ANK3: variants seen among roughly 807,000 people sequenced by gnomAD.
The protein encoded by ANK3 is ankyrin 3.
Under a neutral mutation model 370.9 loss-of-function variants are expected in ANK3, and 57 were observed. The observed-to-expected ratio is 0.15, with a 90% CI of 0.12 to 0.19. The LOEUF is 0.19. ANK3 is among the 10% of genes least tolerant of loss of function. The pLI is 1.00. For synonymous variants in ANK3, 1,929 were observed against 1,946.3 expected (o/e 0.99, Z 0.23); for missense variants, 4,439 against 5,302.1 (o/e 0.84, Z 5.06).
chr10:60,227,318 T>C (rs184108824), intron 8 of ANK3, among the ~76,000 whole-genome samples: 52 of 152,148 alleles, frequency 3.4e-4, no homozygotes, highest in Non-Finnish European at 7.1e-4. Flanking sequence ...ATAATTGTCT[T>C]TCCCATTCAT....
chr10:60,705,035 G>C (rs894484391), intron 1 of ANK3, among the ~76,000 whole-genome samples: 3 of 152,036 alleles, frequency 2.0e-5, no homozygotes, highest in Non-Finnish European at 4.4e-5. Flanking sequence ...TCCTAGAAAA[G>C]CTAAAAATAA....
intron 1 of ANK3, among the ~76,000 whole-genome samples, chr10:60,301,082 C>A (rs1223769746): frequency 6.8e-6 from 1 of 147,044 alleles, no homozygotes; most frequent in Non-Finnish European, 1.5e-5. Context: ...TGTGTATAAC[C>A]GGGTGGGAGA....
intron 28 of ANK3, among the ~76,000 whole-genome samples, chr10:60,091,447 G>C (rs892828402): frequency 3.9e-4 from 1 of 2,590 alleles, no homozygotes; most frequent in African/African-American, 5.0e-4. Flanking sequence ...TATTCTAATA[G>C]GGGATAAAGG....
At chr10:60,721,234 T>A (rs994200148) in intron 1 of ANK3, among the ~76,000 whole-genome samples, 1 of 152,160 alleles carries the variant, frequency 6.6e-6, no homozygotes, top group Non-Finnish European at 1.5e-5. Context: ...ACCATGAAAG[T>A]TGCCCAGAAG....
In ANK3 at chr10:60,026,562, T is replaced by G. The variant is rs935605266; in HGVS notation, c.*3284A>C. 6.6e-6 allele frequency: 1 copy of G among 152,228 alleles called. No homozygotes were observed. Among genetic ancestry groups the G allele is most frequent in the African/African-American group, 2.4e-5 (1 of 41,460 alleles). The allele number at this position is 152,228 out of a possible 1,614,324, so 9.4% of individuals were successfully genotyped here. A position where few individuals can be genotyped will look rare whatever the true frequency, so the allele number is the denominator to read the frequency against. On this transcript the variant is annotated 3_prime_UTR_variant, in exon 44 of 44. Transcript: ENST00000280772. ...CCCTGTCATACAGCCAAACGTGAGC[T>G]GATGCTGACAATAGTTTATTGGCCA... is the stretch of plus-strand genomic sequence containing the variant.
intron 2 of ANK3, among the ~76,000 whole-genome samples, chr10:60,415,476 G>A (rs773736678): frequency 5.9e-5 from 9 of 152,212 alleles, no homozygotes; most frequent in Middle Eastern, 3.4e-3. Flanking sequence ...GCTGCAACCC[G>A]AGTGTCCAGA....
At chr10:60,057,810 G>A (rs1408071845) in intron 41 of ANK3, among the ~76,000 whole-genome samples, 1 of 152,120 alleles carries the variant, frequency 6.6e-6, no homozygotes, top group Non-Finnish European at 1.5e-5. Flanking sequence ...TATAAATTGT[G>A]TGACTATATC....
At chr10:60,673,540 T>TG (rs1009543186) in intron 1 of ANK3, among the ~76,000 whole-genome samples, 11 of 152,076 alleles carry the variant, frequency 7.2e-5, no homozygotes, top group Admixed American at 3.3e-4. Flanking sequence ...TTAGTAGAGA[T>TG]GGGGTTCCAC....
At chr10:60,199,361 A>T (rs746575060) in intron 13 of ANK3, among the ~76,000 whole-genome samples, 38 of 152,150 alleles carry the variant, frequency 2.5e-4, no homozygotes, top group Non-Finnish European at 4.3e-4. Context: ...GTCAATGTCA[A>T]AGTAAGAGGG....
intron 27 of ANK3, among the ~76,000 whole-genome samples, chr10:60,106,332 G>A (rs999906557): frequency 3.3e-5 from 5 of 151,970 alleles, no homozygotes; most frequent in African/African-American, 1.2e-4. Context: ...CATATAAATA[G>A]GAATTTTGAA....
At chr10:60,257,707 G>A (rs1034757698) in intron 7 of ANK3, among the ~76,000 whole-genome samples, 6 of 151,958 alleles carry the variant, frequency 3.9e-5, no homozygotes, top group Non-Finnish European at 8.8e-5. Flanking sequence ...CATTCCTGCT[G>A]CTTGGTAACA....
intron 5 of ANK3, among the ~76,000 whole-genome samples, chr10:60,267,642 G>T (rs2097901543): frequency 6.6e-6 from 1 of 152,004 alleles, no homozygotes; most frequent in Non-Finnish European, 1.5e-5. Flanking sequence ...ACTTTAAAAA[G>T]TACTAGAGAG....
intron 1 of ANK3, among the ~76,000 whole-genome samples, chr10:60,676,305 A>C (rs1209468871): frequency 2.6e-5 from 4 of 152,202 alleles, no homozygotes; most frequent in Admixed American, 2.6e-4. Flanking sequence ...ATTGGCTTAA[A>C]AGGATATATG....
At position 60,068,945 on chromosome 10, in the gene ANK3, C is replaced by CTGG; in HGVS notation, c.11933_11935dup (p.Thr3978dup). ...ACTTTTCCTAACTTTAACTGTGCAG[C>CTGG]TGGTGGTGGTGGTAGTGGTGGTAGT... On this transcript the variant is annotated inframe_insertion, in exon 37 of 44. Transcript: ENST00000280772. 6.2e-7 allele frequency: 1 copy of CTGG among 1,613,898 alleles called. No individual in the cohort carries two copies.
At chr10:60,632,935 T>C (rs946999312) in intron 1 of ANK3, among the ~76,000 whole-genome samples, 7 of 152,008 alleles carry the variant, frequency 4.6e-5, no homozygotes, top group Non-Finnish European at 1.0e-4. Flanking sequence ...CTTGCTTTGA[T>C]AGCTGACTTT....
intron 1 of ANK3, among the ~76,000 whole-genome samples, chr10:60,616,711 G>A (rs1427138183): frequency 1.3e-5 from 2 of 152,062 alleles, no homozygotes; most frequent in Non-Finnish European, 2.9e-5. Context: ...CGCCAAAATG[G>A]TATTGTTGAA....
chr10:60,107,598 T>A (rs2092317636), intron 27 of ANK3, among the ~76,000 whole-genome samples: 1 of 152,246 alleles, frequency 6.6e-6, no homozygotes, highest in African/African-American at 2.4e-5. Context: ...TTTATAACTT[T>A]AAAAGAATAC....
chr10:60,104,240 CT>C (rs990191990), intron 28 of ANK3, among the ~76,000 whole-genome samples: 1 of 151,182 alleles, frequency 6.6e-6, no homozygotes, highest in African/African-American at 2.4e-5. Flanking sequence ...CTCAATCTCT[CT>C]GAGCCTTAGT....
At position 60,073,768 on chromosome 10, in the gene ANK3, G is replaced by C; in HGVS notation, c.7113C>G (p.Asn2371Lys). Residue 2371 changes from asparagine (N) to lysine (K), a missense_variant, in exon 37 of 44, where the codon AAC becomes AAG. Coordinates refer to ENST00000280772, the MANE Select transcript of ANK3 (RefSeq NM_020987.5). ...YQKDLSRGDI[N>K]LKDFLPEKHD... ...GTTTTTCTGGCAGAAAATCTTTTAG[G>C]TTAATATCTCCCCGGGATAAGTCTT... 6.2e-7 allele frequency: 1 copy of C among 1,613,678 alleles called. No individual in the cohort carries two copies. Among genetic ancestry groups the C allele is most frequent in the Non-Finnish European group, 8.5e-7 (1 of 1,179,984 alleles).
Sources: gnomAD v4.1 joint callset for allele counts (sites outside exome capture counted in the v4.1 genomes callset) on GRCh38, gnomAD v4.1.1 for gene constraint, MANE v1.5 for transcripts, NCBI Gene and HGNC (gene_info 2026-07-23, HGNC 2026-07-21) for gene names.